The following SLC47A2 variants were observed in gnomAD, a reference collection of about 807,000 sequenced individuals.
SLC47A2 encodes solute carrier family 47 member 2.
A neutral mutation model predicts 67.7 loss-of-function variants in SLC47A2; 52 were observed. That is an observed-to-expected ratio of 0.77 (90% CI 0.61 to 0.97). SLC47A2 has a LOEUF of 0.97. SLC47A2 is among the 50% of genes least tolerant of loss of function. SLC47A2 has a pLI of 0.00. For missense variants in SLC47A2, 676 were observed against 712.3 expected, an observed-to-expected ratio of 0.95 and a Z score of 0.58; for synonymous variants, 278 against 292.9, an observed-to-expected ratio of 0.95 and a Z score of 0.52.
rs1429321309 is a variant in SLC47A2, at chr17:19,678,925, G to GC, written c.1481-20dup. 2 of 1,553,206 alleles carry GC rather than the reference G, an allele frequency of 1.3e-6. No homozygotes were observed. The highest frequency in any genetic ancestry group is 2.7e-5 in the African/African-American group (2 of 73,196). On this transcript the variant is annotated intron_variant, in intron 16 of 16. Transcript: ENST00000433844. Reference sequence around the variant, plus strand: ...GTAGCCACTGCGGAAGCAAACAGGAGCAAACTCAGCAGGTCAGGGGTCAGA... The same window carrying GC: ...GTAGCCACTGCGGAAGCAAACAGGAGCCAAACTCAGCAGGTCAGGGGTCAGA...
At chr17:19,711,318 G>A (rs539918294) in intron 5 of SLC47A2, among the ~76,000 whole-genome samples, 5 of 151,722 alleles carry the variant, frequency 3.3e-5, no homozygotes, top group Admixed American at 1.3e-4. Context: ...CAGGCCAGGC[G>A]TGGTGGCTCA....
intron 10 of SLC47A2, 62 bp from the exon 11 acceptor site, chr17:19,704,240 G>T: frequency 7.2e-7 from 1 of 1,384,594 alleles, no homozygotes; most frequent in Non-Finnish European, 9.9e-7. Context: ...GAAGTCCTGA[G>T]CCAGCCTGGG....
chr17:19,679,997 T>C lies in SLC47A2; in HGVS notation c.1435A>G (p.Ser479Gly), dbSNP rs1046821602. The C allele has an allele frequency of 2.5e-6, 4 of 1,613,918 alleles. No individual in the cohort carries two copies. Among genetic ancestry groups the C allele is most frequent in the Non-Finnish European group, 3.4e-6 (4 of 1,179,958 alleles). ...TCAGGCCCAGGTCTGGTTGCAGTGC[T>C]CTCTGCTCTCTGCTGCTGCTGCCGG... ...SGRQQQQRAE[S>G]TATRPGPEKA... The change falls in exon 16 of 17, where the codon AGC (serine) becomes GGC (glycine). Residue 479 changes from serine (S) to glycine (G), a missense_variant. Coordinates refer to ENST00000433844, the MANE Select transcript of SLC47A2 (RefSeq NM_001099646.3).
Position 19,713,834 on chromosome 17 carries a change from T to G in SLC47A2, c.434A>C (p.Asp145Ala), listed in dbSNP as rs762251222. 3 of 1,612,290 alleles carry G rather than the reference T, an allele frequency of 1.9e-6. No homozygotes were observed. The highest frequency in any genetic ancestry group is 2.5e-6 in the Non-Finnish European group (3 of 1,179,580). Reference sequence around the variant, plus strand: ...CCGGAGCCCAGCGCACCTGGACACGTCCGGGTCCTGCCGGAAGAGCAGCAG... The same window carrying G: ...CCGGAGCCCAGCGCACCTGGACACGGCCGGGTCCTGCCGGAAGAGCAGCAG... The part of the protein sequence containing the change: ...HILLLFRQDP[D>A]VSRLTQDYVM... Residue 145 changes from aspartate (D) to alanine (A), a missense_variant, in exon 4 of 17, where the codon GAC (aspartate) becomes GCC (alanine). Coordinates refer to ENST00000433844, the MANE Select transcript of SLC47A2 (RefSeq NM_001099646.3).
intron 1 of SLC47A2, chr17:19,716,026 A>G: frequency 5.8e-6 from 1 of 173,126 alleles, no homozygotes; most frequent in Non-Finnish European, 1.2e-5. Context: ...TCATGATCAG[A>G]AAAAATAAAT....
rs1023141212 is a variant in SLC47A2, at chr17:19,685,307, C to T, written c.1165-3637G>A. ...GCAGCGTCTCTGCTTGGCTGCCCATCGTCTGGGATGTGAGGAGCCCCTGTG... is the reference window on the plus strand; with the variant it reads ...GCAGCGTCTCTGCTTGGCTGCCCATTGTCTGGGATGTGAGGAGCCCCTGTG... On this transcript the variant is annotated intron_variant, in intron 13 of 16. Transcript: ENST00000433844. This position sits in a 1 kb window ranked among gnomAD's most constrained non-coding sequence, Gnocchi z 4.5. Among the ~76,000 whole-genome samples, 2 of 152,066 alleles carry T rather than the reference C, an allele frequency of 1.3e-5. No individual in the cohort carries two copies. Among genetic ancestry groups the T allele is most frequent in the South Asian group, 2.1e-4 (1 of 4,822 alleles).
At chr17:19,693,986 A>C (rs992966595) in intron 13 of SLC47A2, among the ~76,000 whole-genome samples, 2 of 152,242 alleles carry the variant, frequency 1.3e-5, no homozygotes, top group African/African-American at 4.8e-5. Flanking sequence ...TTTTATAAAC[A>C]TGAACAATCT....
chr17:19,716,323 A>G, intron 1 of SLC47A2, 110 bp downstream of exon 1: 1 of 1,444,782 alleles, frequency 6.9e-7, no homozygotes, highest in Non-Finnish European at 9.2e-7. Flanking sequence ...CAACATGGGC[A>G]GTTTCTGGGG....
intron 13 of SLC47A2, among the ~76,000 whole-genome samples, chr17:19,693,932 A>T (rs2085602284): frequency 6.6e-6 from 1 of 152,204 alleles, no homozygotes; most frequent in Non-Finnish European, 1.5e-5. Flanking sequence ...CTATTAGAAC[A>T]AGGTCACAGG....
At chr17:19,683,823 CA>C (rs1394354690) in intron 13 of SLC47A2, among the ~76,000 whole-genome samples, 2 of 152,158 alleles carry the variant, frequency 1.3e-5, no homozygotes, top group East Asian at 3.8e-4. Context: ...ATTGGCTGAA[CA>C]CTAAGCTCTG....
At chr17:19,694,455 T>TC (rs776424035) in intron 13 of SLC47A2, among the ~76,000 whole-genome samples, 2 of 152,172 alleles carry the variant, frequency 1.3e-5, no homozygotes, top group Non-Finnish European at 2.9e-5. Flanking sequence ...AATTCAGAAG[T>TC]AAACCACTAC....
rs1307560009 is a variant in SLC47A2, at chr17:19,678,869, C to T, written c.1518G>A (p.Thr506=). 3.8e-6 allele frequency: 6 copies of T among 1,599,598 alleles called. No individual in the cohort carries two copies. The highest frequency in any genetic ancestry group is 1.3e-5 in the African/African-American group (1 of 74,636). Residue 506 remains threonine, a synonymous_variant, in exon 17 of 17, where the codon ACG becomes ACA. Coordinates refer to ENST00000433844, the MANE Select transcript of SLC47A2 (RefSeq NM_001099646.3). ...CCACGTGGCACTCAGACCTTGAATACGTTGTCAAGGTAATGCCAGGGGAAC... is the reference window on the plus strand; with the variant it reads ...CCACGTGGCACTCAGACCTTGAATATGTTGTCAAGGTAATGCCAGGGGAAC... ...TGSSPGITLT[T]YSRSECHVDF...
intron 13 of SLC47A2, among the ~76,000 whole-genome samples, chr17:19,691,119 G>A (rs575743695): frequency 8.0e-5 from 12 of 149,288 alleles, no homozygotes; most frequent in South Asian, 2.1e-4. Flanking sequence ...GCGAAACTCC[G>A]TCTAAAAAAA....
At chr17:19,704,427 C>T (rs1597622726) in intron 10 of SLC47A2, among the ~76,000 whole-genome samples, 1 of 152,382 alleles carries the variant, frequency 6.6e-6, no homozygotes, top group East Asian at 1.9e-4. Flanking sequence ...GCAGCACAGG[C>T]AGGCGGGCCT....
At chr17:19,703,990 C>T in intron 11 of SLC47A2, 80 bp downstream of exon 11, 1 of 1,147,416 alleles carries the variant, frequency 8.7e-7, no homozygotes, top group Non-Finnish European at 1.2e-6. Context: ...GCCCTGCCTC[C>T]AGCATGCCAG....
At chr17:19,715,937 C>T (rs1256738023) in intron 1 of SLC47A2, 1 of 154,396 alleles carries the variant, frequency 6.5e-6, no homozygotes, top group Non-Finnish European at 1.4e-5. Flanking sequence ...CAACTCCTGA[C>T]CTCAGGTGAT....
At chr17:19,708,479 G>A (rs747665271) in intron 6 of SLC47A2, 80 bp from the exon 7 acceptor site, 2 of 1,614,124 alleles carry the variant, frequency 1.2e-6, no homozygotes, top group East Asian at 4.5e-5. Flanking sequence ...TTGGAATGGG[G>A]ACTCCTCCTC....
At chr17:19,716,337 AT>A (rs2086264637) in intron 1 of SLC47A2, 95 bp downstream of exon 1, 1 of 1,466,406 alleles carries the variant, frequency 6.8e-7, no homozygotes, top group African/African-American at 1.4e-5. Context: ...TCTGGGGAAA[AT>A]GTGAGCACAT....
intron 13 of SLC47A2, among the ~76,000 whole-genome samples, chr17:19,682,164 A>C (rs1295850991): frequency 6.6e-6 from 1 of 152,114 alleles, no homozygotes; most frequent in Non-Finnish European, 1.5e-5. Flanking sequence ...TCAGGAGTTC[A>C]AGACCAGCCT....
Sources: gnomAD v4.1 joint callset for allele counts (sites outside exome capture counted in the v4.1 genomes callset) on GRCh38, gnomAD v4.1.1 for gene constraint, Gnocchi (gnomAD v3.1) non-coding constraint, MANE v1.5 for transcripts, NCBI Gene and HGNC (gene_info 2026-07-23, HGNC 2026-07-21) for gene names.